The following MAOA variants were observed in gnomAD, a reference collection of about 807,000 sequenced individuals.
MAOA encodes the protein amine oxidase [flavin-containing] A.
MAOA carries 6 observed loss-of-function variants against 42.0 expected under a neutral mutation model. The observed-to-expected ratio is 0.14, with a 90% CI of 0.08 to 0.28. MAOA has a LOEUF of 0.28. Ranked by LOEUF, MAOA falls within the 10% of genes least tolerant of loss-of-function variation. The pLI, the probability that MAOA is intolerant of heterozygous loss-of-function variation, is 1.00. For synonymous variants in MAOA, 140 were observed against 154.0 expected (o/e 0.91, Z 0.67); for missense variants, 262 against 422.3 (o/e 0.62, Z 3.33).
Position 43,742,055 on chromosome X carries a change from G to A in MAOA, c.1262+8G>A, listed in dbSNP as rs375907378. 10 of 1,211,124 alleles carry A rather than the reference G, an allele frequency of 8.3e-6. No homozygotes were observed. The highest frequency in any genetic ancestry group is 3.0e-5 in the East Asian group (1 of 33,790). On this transcript the variant is annotated splice_region_variant and intron_variant, in intron 12 of 14. Coordinates refer to ENST00000338702, the MANE Select transcript of MAOA (RefSeq NM_000240.4). ...CATGACTCAATATGGAAGGTATTAC[G>A]CAAGCACTACGCCAATTAATCCAAG... is the stretch of plus-strand genomic sequence containing the variant.
intron 1 of MAOA, among the ~76,000 whole-genome samples, chrX:43,669,459 T>C (rs1169552216): frequency 9.0e-6 from 1 of 111,139 alleles, no homozygotes; most frequent in Non-Finnish European, 1.9e-5. Context: ...ACCTTATTCC[T>C]TGAATTTTCT....
Position 43,723,020 on chromosome X carries a change from C to A in MAOA, c.504-5153C>A, listed in dbSNP as rs1489892018. 1.4e-4 allele frequency among the ~76,000 whole-genome samples: 15 copies of A among 110,888 alleles called. No homozygotes were observed. In the Admixed American group the frequency reaches 1.4e-3, roughly 11 times the overall value. ...TAGATGTGTGGTGTTATTTCTGAGG[C>A]CTCTGTTCTGTTCCATTGGTCTATA... On this transcript the variant is annotated intron_variant, in intron 5 of 14. Coordinates refer to ENST00000338702, the MANE Select transcript of MAOA (RefSeq NM_000240.4).
rs763511868 is a variant in MAOA at position 43,657,606 on chromosome X, T to C, written c.73+1192T>C. Among the ~76,000 whole-genome samples the C allele has an allele frequency of 4.5e-5, 5 of 111,322 alleles. No individual in the cohort carries two copies. The East Asian group carries it at 1.4e-3, about 32-fold the overall frequency. ...CATCATTGGTAAAATGTTTGAAAAT[T>C]AGGAATTTTGTTGCCTTTCATCCCT... On this transcript the variant is annotated intron_variant, in intron 1 of 14. Coordinates refer to ENST00000338702, the MANE Select transcript of MAOA (RefSeq NM_000240.4).
At chrX:43,692,450 C>T (rs1300981256) in intron 2 of MAOA, among the ~76,000 whole-genome samples, 1 of 111,120 alleles carries the variant, frequency 9.0e-6, no homozygotes, top group Non-Finnish European at 1.9e-5. Flanking sequence ...CATAAATCCT[C>T]TCTGAGAAAG....
rs1205820478 is a variant in MAOA at position 43,744,224 on chromosome X, A to T, written c.1437+53A>T. On this transcript the variant is annotated intron_variant, in intron 14 of 14. Transcript: ENST00000338702. Reference sequence around the variant, plus strand: ...TCTCCTTAGACCAATCATGGAACATAAAACTCACATCTCCCTTCTTCTAGC... The same window carrying T: ...TCTCCTTAGACCAATCATGGAACATTAAACTCACATCTCCCTTCTTCTAGC... The T allele has an allele frequency of 5.3e-6, 6 of 1,139,592 alleles. No homozygotes were observed. In the East Asian group the frequency reaches 1.8e-4, roughly 34 times the overall value. The allele number at this position is 1,139,592 out of a possible 1,213,427, so 93.9% of individuals were successfully genotyped here. A position where few individuals can be genotyped will look rare whatever the true frequency, so the allele number is the denominator to read the frequency against.
chrX:43,666,785 C>G (rs778310221), intron 1 of MAOA, among the ~76,000 whole-genome samples: 1 of 111,122 alleles, frequency 9.0e-6, no homozygotes, highest in Non-Finnish European at 1.9e-5. Context: ...TTTCTAGTCT[C>G]ATATTCTCCT....
At chrX:43,692,027 A>ACACACACACACACGCACG (rs2033538578) in intron 2 of MAOA, among the ~76,000 whole-genome samples, 1 of 66,873 alleles carries the variant, frequency 1.5e-5, no homozygotes, top group East Asian at 3.7e-4. Context: ...ACACACACAC[A>ACACACACACACACGCACG]CACACACACA....
At chrX:43,660,048 G>A (rs1295222533) in intron 1 of MAOA, among the ~76,000 whole-genome samples, 1 of 111,418 alleles carries the variant, frequency 9.0e-6, no homozygotes, top group Non-Finnish European at 1.9e-5. Context: ...TACCCATTAG[G>A]TAATTTCTCA....
Position 43,744,845 on chromosome X carries a change from A to G in MAOA, c.*332A>G, listed in dbSNP as rs1457039920. The G allele has an allele frequency of 3.5e-5, 10 of 284,491 alleles. No homozygotes were observed. Among genetic ancestry groups the G allele is most frequent in the Non-Finnish European group, 6.3e-5 (10 of 157,912 alleles). The allele number at this position is 284,491 out of a possible 1,213,427, so 23.4% of individuals were successfully genotyped here. On this transcript the variant is annotated 3_prime_UTR_variant, in exon 15 of 15. Coordinates refer to ENST00000338702, the MANE Select transcript of MAOA (RefSeq NM_000240.4). The stretch of plus-strand genomic sequence containing the variant: ...GTCCTGTTTTTATTCCCTTCAATGC[A>G]AAATACATGATGATTTCAGAAACAA...
At chrX:43,688,693 T>C (rs1269689114) in intron 2 of MAOA, among the ~76,000 whole-genome samples, 1 of 112,112 alleles carries the variant, frequency 8.9e-6, no homozygotes, top group Non-Finnish European at 1.9e-5. Context: ...ATGCAGTGTT[T>C]TATATATGTC....
At position 43,746,101 on chromosome X, in the gene MAOA, A is replaced by G. The variant is rs964841381; in HGVS notation, c.*1588A>G. 9 of 111,956 alleles carry G rather than the reference A, an allele frequency of 8.0e-5. No homozygotes were observed. The highest frequency in any genetic ancestry group is 2.9e-4 in the African/African-American group (9 of 30,816). The allele number at this position is 111,956 out of a possible 1,213,427, so 9.2% of individuals were successfully genotyped here. A position where few individuals can be genotyped will look rare whatever the true frequency, so the allele number is the denominator to read the frequency against. ...GCATATTATATCAGACTGCTTTGAG[A>G]AATCTCATCCCTAGTCTATTGCAGT... On this transcript the variant is annotated 3_prime_UTR_variant, in exon 15 of 15. Coordinates refer to ENST00000338702, the MANE Select transcript of MAOA (RefSeq NM_000240.4).
intron 5 of MAOA, among the ~76,000 whole-genome samples, chrX:43,727,537 G>T (rs2033849114): frequency 8.9e-6 from 1 of 112,626 alleles, no homozygotes; most frequent in Admixed American, 9.4e-5. Context: ...ATTCCAGGTC[G>T]ATATCAGGCT....
chrX:43,683,576 A>G lies in MAOA; in HGVS notation c.137A>G (p.Asp46Gly), dbSNP rs201519600. 1.7e-4 allele frequency: 203 copies of G among 1,206,525 alleles called. No homozygotes were observed. Among genetic ancestry groups the G allele is most frequent in the Non-Finnish European group, 2.2e-4 (195 of 892,276 alleles). Residue 46 changes from aspartate (D) to glycine (G), a missense_variant, in exon 2 of 15, where the codon GAC becomes GGC. Asp to Gly is a moderately conservative substitution (Grantham distance 94). Transcript: ENST00000338702. ...AGTGTTTTGGTTTTAGAAGCTCGGGACAGGGTTGGAGGAAGAACATATACT... is the reference window on the plus strand; with the variant it reads ...AGTGTTTTGGTTTTAGAAGCTCGGGGCAGGGTTGGAGGAAGAACATATACT... ...GVSVLVLEAR[D>G]RVGGRTYTIR...
chrX:43,693,933 C>T (rs2033557945), intron 3 of MAOA, among the ~76,000 whole-genome samples: 1 of 111,816 alleles, frequency 8.9e-6, no homozygotes, highest in Admixed American at 9.5e-5. Context: ...CTCATTCTTA[C>T]CTGGCATTAT....
intron 1 of MAOA, among the ~76,000 whole-genome samples, chrX:43,673,858 A>C (rs2033361347): frequency 1.8e-5 from 2 of 111,918 alleles, no homozygotes; most frequent in South Asian, 7.4e-4. Flanking sequence ...GGAGAGCTTT[A>C]CTTCCAACTA....
intron 5 of MAOA, among the ~76,000 whole-genome samples, chrX:43,714,306 G>A (rs1388037689): frequency 9.0e-6 from 1 of 110,930 alleles, no homozygotes; most frequent in African/African-American, 3.3e-5. Context: ...GGATTAGGGG[G>A]AGATAGGAAG....
intron 3 of MAOA, among the ~76,000 whole-genome samples, chrX:43,704,908 A>G (rs2033648656): frequency 8.9e-6 from 1 of 112,271 alleles, no homozygotes. Flanking sequence ...TTAACCAAAG[A>G]AGTGCAAGAC....
chrX:43,666,315 G>A (rs1244416279), intron 1 of MAOA, among the ~76,000 whole-genome samples: 1 of 111,963 alleles, frequency 8.9e-6, no homozygotes, highest in South Asian at 3.7e-4. Flanking sequence ...TCCCCTGGCT[G>A]TTTCCAACTT....
upstream of MAOA, chrX:43,655,553 C>T (rs1046463163): frequency 5.4e-5 from 6 of 111,180 alleles, no homozygotes; most frequent in African/African-American, 2.0e-4. Context: ...CCGTCACAGC[C>T]TCCAATCAGG....
Sources: gnomAD v4.1 joint callset for allele counts (sites outside exome capture counted in the v4.1 genomes callset) on GRCh38, gnomAD v4.1.1 for gene constraint, MANE v1.5 for transcripts, NCBI Gene and HGNC (gene_info 2026-07-23, HGNC 2026-07-21) for gene names.